SLC27A6: variants seen among roughly 807,000 people sequenced by gnomAD.
The protein encoded by SLC27A6 is long-chain fatty acid transport protein 6.
In SLC27A6, 74 loss-of-function variants were observed where a neutral mutation model predicts 63.9. That is an observed-to-expected ratio of 1.16 (90% CI 0.96 to 1.40). The LOEUF (loss-of-function observed/expected upper bound fraction) is 1.40. SLC27A6 is among the 40% of genes most tolerant of loss of function. SLC27A6 has a pLI of 0.00. For synonymous variants in SLC27A6, 287 were observed against 260.8 expected (o/e 1.10, Z -0.97); for missense variants, 794 against 732.9 (o/e 1.08, Z -0.96).
chr5:129,028,288 G>C (rs188274851), intron 7 of SLC27A6, 57 bp from the exon 8 acceptor site: 530 of 1,123,692 alleles, frequency 4.7e-4, no homozygotes, highest in Non-Finnish European at 6.8e-4. Context: ...ACTAAAACTG[G>C]GTACCTAGTT....
intron 1 of SLC27A6, among the ~76,000 whole-genome samples, chr5:128,979,046 C>T (rs1056939240): frequency 1.3e-4 from 20 of 151,844 alleles, no homozygotes; most frequent in Non-Finnish European, 5.9e-5. Context: ...ATCATTCAGT[C>T]TTGTGTGAAT....
At chr5:128,996,221 T>C (rs1751155637) in intron 4 of SLC27A6, among the ~76,000 whole-genome samples, 1 of 152,194 alleles carries the variant, frequency 6.6e-6, no homozygotes, top group South Asian at 2.1e-4. Context: ...TTAGGCTATA[T>C]AATTTGTCTA....
intron 1 of SLC27A6, among the ~76,000 whole-genome samples, chr5:128,969,270 C>G (rs1399009157): frequency 6.6e-6 from 1 of 152,056 alleles, no homozygotes; most frequent in Admixed American, 6.6e-5. Context: ...TCCGTATGAA[C>G]TTTAAAGTAG....
intron 5 of SLC27A6, 124 bp from the exon 6 acceptor site, chr5:129,023,496 C>T (rs1752138850): frequency 5.3e-6 from 3 of 568,468 alleles, no homozygotes; most frequent in African/African-American, 3.8e-5. Context: ...TTAATAACTC[C>T]ATATTCCAAT....
intron 4 of SLC27A6, 44 bp downstream of exon 4, chr5:128,990,508 A>C (rs915867508): frequency 1.4e-5 from 22 of 1,555,734 alleles, no homozygotes; most frequent in Non-Finnish European, 1.9e-5. Context: ...AGAAAGAATA[A>C]GTATTGAGAT....
At chr5:128,976,232 A>G (rs1030797736) in intron 1 of SLC27A6, among the ~76,000 whole-genome samples, 1 of 152,162 alleles carries the variant, frequency 6.6e-6, no homozygotes. Context: ...AAAGGGGGCC[A>G]GCGCGGTGGC....
At chr5:128,970,451 A>G (rs1003621090) in intron 1 of SLC27A6, among the ~76,000 whole-genome samples, 1 of 152,182 alleles carries the variant, frequency 6.6e-6, no homozygotes, top group Non-Finnish European at 1.5e-5. Flanking sequence ...TTATTGGTCT[A>G]TTCAGAGATT....
chr5:128,970,247 A>G (rs36188905), intron 1 of SLC27A6, among the ~76,000 whole-genome samples: 36,469 of 151,820 alleles, frequency 0.24, 4,931 homozygotes, highest in Middle Eastern at 0.33. Context: ...TGTCTCTGCC[A>G]GACTTTGGTA....
Position 128,966,050 on chromosome 5 carries a change from T to A in SLC27A6, c.-88T>A. 1.4e-6 allele frequency: 2 copies of A among 1,471,792 alleles called. No homozygotes were observed. The highest frequency in any genetic ancestry group is 9.1e-7 in the Non-Finnish European group (1 of 1,103,956). 91.2% of individuals were successfully genotyped at this position (1,471,792 alleles called of 1,614,324 possible). On this transcript the variant is annotated 5_prime_UTR_variant, in exon 1 of 10. Coordinates refer to ENST00000262462, the MANE Select transcript of SLC27A6 (RefSeq NM_001017372.3). ...AGGTGTAAGCCCTGAGTAGTGAGGA[T>A]CTGCGGTCTCCGTGGAGAGCTGTGC...
At position 128,988,657 on chromosome 5, in the gene SLC27A6, T is replaced by A; in HGVS notation, c.743T>A (p.Leu248Gln). 9 of 1,614,072 alleles carry A rather than the reference T, an allele frequency of 5.6e-6. No homozygotes were observed. Among genetic ancestry groups the A allele is most frequent in the Non-Finnish European group, 7.6e-6 (9 of 1,179,930 alleles). ...CAGGTTTTAAGGGGTTCTGCTGTCC[T>A]GTGGGCTTTTGGTTGTACTGCTCAT... is the stretch of plus-strand genomic sequence containing the variant. ...QLQVLRGSAV[L>Q]WAFGCTAHDI... The change falls in exon 3 of 10, where the codon CTG becomes CAG. Residue 248 changes from leucine to glutamine, a missense_variant. Physicochemically the swap from Leu to Gln is moderately radical, Grantham distance 113. Transcript: ENST00000262462.
intron 4 of SLC27A6, among the ~76,000 whole-genome samples, chr5:128,993,060 A>G (rs1041664997): frequency 6.6e-6 from 1 of 152,258 alleles, no homozygotes; most frequent in Non-Finnish European, 1.5e-5. Flanking sequence ...AAGTGAATGT[A>G]AATAGCCAAA....
At chr5:129,010,163 T>C (rs1471639307) in intron 4 of SLC27A6, among the ~76,000 whole-genome samples, 1 of 152,242 alleles carries the variant, frequency 6.6e-6, no homozygotes, top group East Asian at 1.9e-4. Flanking sequence ...AATGAAATTA[T>C]ATATATGCAT....
intron 1 of SLC27A6, among the ~76,000 whole-genome samples, chr5:128,978,260 T>A (rs1161042592): frequency 6.6e-6 from 1 of 152,210 alleles, no homozygotes; most frequent in African/African-American, 2.4e-5. Flanking sequence ...TTCAGTTACA[T>A]CAAAGTGGAA....
chr5:129,029,550 A>T (rs200196885), intron 8 of SLC27A6, 27 bp from the exon 9 acceptor site: 929 of 1,504,862 alleles, frequency 6.2e-4, no homozygotes, highest in South Asian at 1.0e-3. Context: ...GTACTTAAAA[A>T]TGACTCTATT....
chr5:129,018,468 CTA>C, intron 5 of SLC27A6, among the ~76,000 whole-genome samples: 1 of 152,128 alleles, frequency 6.6e-6, no homozygotes, highest in East Asian at 1.9e-4. Context: ...AAGGTGCAAA[CTA>C]TTTTTATAAT....
intron 4 of SLC27A6, among the ~76,000 whole-genome samples, chr5:129,005,253 T>C (rs1006593572): frequency 6.6e-6 from 1 of 152,206 alleles, no homozygotes; most frequent in Non-Finnish European, 1.5e-5. Context: ...TTTTCTCCAC[T>C]ACAAATATTA....
intron 1 of SLC27A6, among the ~76,000 whole-genome samples, chr5:128,978,319 G>C (rs1237316391): frequency 6.6e-6 from 1 of 152,074 alleles, no homozygotes; most frequent in Non-Finnish European, 1.5e-5. Context: ...ACCATGTTTT[G>C]AGTCTGCTCT....
chr5:129,028,512 A>C (rs1009213182), intron 8 of SLC27A6, 70 bp downstream of exon 8: 2 of 898,398 alleles, frequency 2.2e-6, no homozygotes, highest in Admixed American at 4.6e-5. Flanking sequence ...GTTTTGCAAC[A>C]GTCTTGCTAA....
chr5:129,021,802 G>A (rs116209749), intron 5 of SLC27A6, among the ~76,000 whole-genome samples: 258 of 152,194 alleles, frequency 1.7e-3, no homozygotes, highest in African/African-American at 5.8e-3. Context: ...ATATTTAATT[G>A]CGTTTGAATT....
Sources: gnomAD v4.1 joint callset for allele counts (sites outside exome capture counted in the v4.1 genomes callset) on GRCh38, gnomAD v4.1.1 for gene constraint, MANE v1.5 for transcripts, NCBI Gene and HGNC (gene_info 2026-07-23, HGNC 2026-07-21) for gene names.